DRC11L: variants seen among roughly 807,000 people sequenced by gnomAD.
DRC11L encodes dynein regulatory complex subunit 11 like.
At chr7:151,203,072 C>T in the DRC11L span, 1 of 399,434 alleles carries the variant, frequency 2.5e-6, no homozygotes, top group Non-Finnish European at 4.4e-6. Flanking sequence ...ATTATGGCCT[C>T]AGTCCGGTGC....
chr7:151,202,348 A>G, the DRC11L span, among the ~76,000 whole-genome samples: 2 of 152,102 alleles, frequency 1.3e-5, no homozygotes, highest in African/African-American at 4.8e-5. Context: ...TTAGTGGCTC[A>G]TTTTCAACAG....
the DRC11L span, among the ~76,000 whole-genome samples, chr7:151,203,948 C>A: frequency 6.6e-6 from 1 of 152,210 alleles, no homozygotes; most frequent in African/African-American, 2.4e-5. Flanking sequence ...GAACCCTGAG[C>A]CGGACTGGAG....
the DRC11L span, chr7:151,193,604 A>T: frequency 2.5e-6 from 1 of 398,336 alleles, no homozygotes; most frequent in East Asian, 3.6e-5. Context: ...GGAGGTGCAG[A>T]TCACAGGGCA....
At chr7:151,198,689 T>A in the DRC11L span, 5 of 397,536 alleles carry the variant, frequency 1.3e-5, no homozygotes, top group Non-Finnish European at 2.2e-5. Context: ...AAAGGCCCCA[T>A]CTGGACTAGA....
the DRC11L span, among the ~76,000 whole-genome samples, chr7:151,200,703 C>T: frequency 6.6e-6 from 1 of 152,134 alleles, no homozygotes. Context: ...CCCTCGCCAC[C>T]CTGATTTGCT....
chr7:151,198,703 C>G, the DRC11L span: 1 of 398,112 alleles, frequency 2.5e-6, no homozygotes, highest in Admixed American at 4.4e-5. Context: ...GACTAGAAGG[C>G]AGAACCCATG....
At chr7:151,200,411 C>T in the DRC11L span, 4 of 399,084 alleles carry the variant, frequency 1.0e-5, no homozygotes, top group East Asian at 7.1e-5. Context: ...CTCCATTCGC[C>T]GGTCCTGCTG....
At chr7:151,195,769 C>T in the DRC11L span, 1 of 396,966 alleles carries the variant, frequency 2.5e-6, no homozygotes, top group Non-Finnish European at 4.4e-6. Context: ...CAGAAGAGCC[C>T]AGTGAGCCCG....
the DRC11L span, chr7:151,204,551 G>A: frequency 2.5e-6 from 1 of 398,880 alleles, no homozygotes; most frequent in Non-Finnish European, 4.4e-6. Context: ...CCAGGCAGTG[G>A]TTCTCACACA....
chr7:151,196,386 T>C, the DRC11L span: 2 of 398,846 alleles, frequency 5.0e-6, no homozygotes, highest in Non-Finnish European at 8.8e-6. Context: ...GCTGGAAATG[T>C]GGGTTATGGG....
the DRC11L span, chr7:151,200,390 A>G: frequency 5.0e-6 from 2 of 398,970 alleles, no homozygotes; most frequent in African/African-American, 2.1e-5. Context: ...CACCATGCCA[A>G]TGAACTCCAT....
the DRC11L span, chr7:151,197,035 C>A: frequency 1.5e-5 from 6 of 399,624 alleles, no homozygotes; most frequent in Non-Finnish European, 1.8e-5. Flanking sequence ...GCAACACTTG[C>A]AACACCGCAT....
At chr7:151,204,956 C>T in the DRC11L span, 2 of 398,298 alleles carry the variant, frequency 5.0e-6, no homozygotes, top group East Asian at 7.1e-5. Flanking sequence ...TCACTCATGG[C>T]TCCTAAATGG....
At chr7:151,193,236 C>T in the DRC11L span, 1 of 398,978 alleles carries the variant, frequency 2.5e-6, no homozygotes, top group East Asian at 3.6e-5. Flanking sequence ...AAGCCCCCCT[C>T]CTTTGTTGCC....
chr7:151,197,041 C>T, the DRC11L span: 5 of 399,598 alleles, frequency 1.3e-5, no homozygotes, highest in South Asian at 1.3e-4. Context: ...CTTGCAACAC[C>T]GCATCCACTT....
At chr7:151,198,549 C>T in the DRC11L span, among the ~76,000 whole-genome samples, 1 of 152,128 alleles carries the variant, frequency 6.6e-6, no homozygotes, top group African/African-American at 2.4e-5. Flanking sequence ...TTTCCCCACC[C>T]TATTCTGGCA....
At chr7:151,197,237 T>C in the DRC11L span, 1 of 399,602 alleles carries the variant, frequency 2.5e-6, no homozygotes, top group Non-Finnish European at 4.4e-6. Context: ...TTTCCTTTCT[T>C]CTTCTCTTTT....
chr7:151,195,074 T>G, the DRC11L span, among the ~76,000 whole-genome samples: 1 of 152,184 alleles, frequency 6.6e-6, no homozygotes, highest in South Asian at 2.1e-4. Context: ...AGTCCCTTAA[T>G]GTCTCAGAGT....
At chr7:151,197,222 CTTCCT>C in the DRC11L span, 1 of 399,550 alleles carries the variant, frequency 2.5e-6, no homozygotes, top group Non-Finnish European at 4.4e-6. Context: ...TTGGCCTTTT[CTTCCT>C]TTCCTTTCTT....
Sources: allele counts gnomAD v4.1 joint callset (sites outside exome capture counted in the v4.1 genomes callset), GRCh38; gene constraint gnomAD v4.1.1; transcripts MANE v1.5; gene names NCBI Gene and HGNC (gene_info 2026-07-23, HGNC 2026-07-21).